The following RASAL2 variants were observed in gnomAD, a reference collection of about 807,000 sequenced individuals.
RASAL2 encodes ras GTPase-activating protein nGAP.
RASAL2 carries 58 observed loss-of-function variants against 128.9 expected under a neutral mutation model. That is an observed-to-expected ratio of 0.45 (90% CI 0.36 to 0.56). The LOEUF (loss-of-function observed/expected upper bound fraction) is 0.56. RASAL2 is among the 20% of genes least tolerant of loss of function. The pLI is 0.00. For synonymous variants in RASAL2, 561 were observed against 580.8 expected, an observed-to-expected ratio of 0.97 and a Z score of 0.49; for missense variants, 1,360 against 1,601.6, an observed-to-expected ratio of 0.85 and a Z score of 2.57.
chr1:178,250,046 A>ATCATTTTATT (rs1664967820), intron 1 of RASAL2, among the ~76,000 whole-genome samples: 1 of 152,288 alleles, frequency 6.6e-6, no homozygotes, highest in African/African-American at 2.4e-5. Flanking sequence ...TCAGGGACCC[A>ATCATTTTATT]CTTGAAGAGG....
At chr1:178,120,111 G>A (rs1558064147) in intron 1 of RASAL2, among the ~76,000 whole-genome samples, 1 of 152,224 alleles carries the variant, frequency 6.6e-6, no homozygotes, top group East Asian at 1.9e-4. Context: ...AAAGGCTTGT[G>A]TTTTAACGCA....
intron 1 of RASAL2, among the ~76,000 whole-genome samples, chr1:178,156,512 G>A (rs1661089006): frequency 6.6e-6 from 1 of 152,234 alleles, no homozygotes; most frequent in South Asian, 2.1e-4. Flanking sequence ...TAGGGAAGAT[G>A]TATATTTTCT....
chr1:178,173,424 A>G (rs1394665115), intron 1 of RASAL2, among the ~76,000 whole-genome samples: 4 of 152,084 alleles, frequency 2.6e-5, no homozygotes, highest in Non-Finnish European at 4.4e-5. Context: ...GTACATCTAA[A>G]TATAGCATTT....
intron 3 of RASAL2, among the ~76,000 whole-genome samples, chr1:178,332,496 CA>C (rs1669372407): frequency 6.6e-6 from 1 of 151,796 alleles, no homozygotes; most frequent in Non-Finnish European, 1.5e-5. Context: ...TAAAGAACAA[CA>C]AAACAAAACA....
intron 1 of RASAL2, among the ~76,000 whole-genome samples, chr1:178,221,782 C>T (rs983477539): frequency 7.9e-5 from 12 of 152,078 alleles, no homozygotes; most frequent in African/African-American, 2.7e-4. Context: ...AGTGAATTGC[C>T]GGTGCTGTTG....
intron 5 of RASAL2, among the ~76,000 whole-genome samples, chr1:178,434,066 A>C (rs1472580936): frequency 1.3e-5 from 2 of 152,096 alleles, no homozygotes; most frequent in African/African-American, 4.8e-5. Context: ...GTCCACTCTT[A>C]CTGGTATGTT....
At chr1:178,372,577 C>T (rs1671777777) in intron 3 of RASAL2, among the ~76,000 whole-genome samples, 1 of 152,140 alleles carries the variant, frequency 6.6e-6, no homozygotes, top group African/African-American at 2.4e-5. Flanking sequence ...CAAGGCTTAC[C>T]ATGTCATCTG....
In RASAL2 at chr1:178,452,593, C is replaced by T; in HGVS notation, c.1950C>T (p.Arg650=). 6.2e-7 allele frequency: 1 copy of T among 1,614,062 alleles called. No homozygotes were observed. The highest frequency in any genetic ancestry group is 1.1e-5 in the South Asian group (1 of 91,074). Residue 650 remains arginine, a synonymous_variant, in exon 11 of 18, where the codon CGC becomes CGT. Coordinates refer to ENST00000367649, the MANE Select transcript of RASAL2 (RefSeq NM_170692.4). ...TTATGCAGGAGTATCCTGATGACCG[C>T]ACATCTCGGACTCTAACTCTTATTG... The part of the protein sequence containing the change: ...FNLMQEYPDD[R]TSRTLTLIAK...
At chr1:178,438,929 G>GTC (rs1256210983) in intron 5 of RASAL2, among the ~76,000 whole-genome samples, 22 of 138,812 alleles carry the variant, frequency 1.6e-4, no homozygotes, top group African/African-American at 5.8e-4. Context: ...GTGTGTGTGT[G>GTC]TGTTTTGCCA....
At chr1:178,225,850 C>T (rs1036920207) in intron 1 of RASAL2, among the ~76,000 whole-genome samples, 2 of 151,458 alleles carry the variant, frequency 1.3e-5, no homozygotes, top group African/African-American at 4.9e-5. Flanking sequence ...TTTTATTGTG[C>T]TTTCTTTATG....
intron 3 of RASAL2, among the ~76,000 whole-genome samples, chr1:178,365,647 GT>G: frequency 6.6e-6 from 1 of 152,030 alleles, no homozygotes; most frequent in Admixed American, 6.6e-5. Flanking sequence ...AATTTTTTGT[GT>G]TTTTAGCAGA....
intron 2 of RASAL2, among the ~76,000 whole-genome samples, chr1:178,289,194 C>T (rs1667167261): frequency 6.6e-6 from 1 of 152,272 alleles, no homozygotes; most frequent in East Asian, 1.9e-4. Context: ...TCTCAGTTCT[C>T]ATCTTAATCT....
At chr1:178,206,090 T>C (rs1663035773) in intron 1 of RASAL2, among the ~76,000 whole-genome samples, 1 of 152,192 alleles carries the variant, frequency 6.6e-6, no homozygotes. Flanking sequence ...TAGAGAATTC[T>C]TTTTGGTGTA....
intron 4 of RASAL2, among the ~76,000 whole-genome samples, chr1:178,396,565 T>C (rs1482795226): frequency 6.6e-6 from 1 of 152,082 alleles, no homozygotes; most frequent in East Asian, 1.9e-4. Flanking sequence ...TATATATATA[T>C]ATTTTGGTCT....
At chr1:178,115,629 A>G (rs1160930023) in intron 1 of RASAL2, among the ~76,000 whole-genome samples, 2 of 152,234 alleles carry the variant, frequency 1.3e-5, no homozygotes, top group Non-Finnish European at 2.9e-5. Context: ...TACATGGCAT[A>G]GTATAAGGCT....
Position 178,451,598 on chromosome 1 carries a change from C to A in RASAL2, c.1655C>A (p.Ser552Tyr). 6.2e-7 allele frequency: 1 copy of A among 1,613,650 alleles called. No individual in the cohort carries two copies. Among genetic ancestry groups the A allele is most frequent in the Non-Finnish European group, 8.5e-7 (1 of 1,179,732 alleles). The change falls in exon 10 of 18, where the codon TCC becomes TAC. Residue 552 changes from serine to tyrosine, a missense_variant. Ser to Tyr is a moderately radical substitution (Grantham distance 144). Transcript: ENST00000367649. ...LGEFIKALYE[S>Y]DENCEVDPSK... is the part of the protein sequence containing the mutation. ...GAGTTTATCAAAGCTTTGTATGAGT[C>A]CGATGAGAACTGTGAAGTGGATCCC... is the stretch of plus-strand genomic sequence containing the variant.
intron 1 of RASAL2, among the ~76,000 whole-genome samples, chr1:178,165,966 T>TC (rs907195886): frequency 2.0e-5 from 3 of 151,906 alleles, no homozygotes; most frequent in African/African-American, 4.8e-5. Flanking sequence ...AAGCTGCATT[T>TC]CCCCCCCATC....
intron 1 of RASAL2, among the ~76,000 whole-genome samples, chr1:178,215,508 A>G (rs1663395450): frequency 6.6e-6 from 1 of 152,230 alleles, no homozygotes; most frequent in African/African-American, 2.4e-5. Flanking sequence ...AATCTTTGCT[A>G]AGACTTGAGT....
At chr1:178,138,598 ATTTAATT>A (rs1453157625) in intron 1 of RASAL2, among the ~76,000 whole-genome samples, 1 of 152,128 alleles carries the variant, frequency 6.6e-6, no homozygotes, top group Admixed American at 6.5e-5. Flanking sequence ...AAAATGCCCT[ATTTAATT>A]TGATTCTGAG....
Sources: gnomAD v4.1 joint callset for allele counts (sites outside exome capture counted in the v4.1 genomes callset) on GRCh38, gnomAD v4.1.1 for gene constraint, MANE v1.5 for transcripts, NCBI Gene and HGNC (gene_info 2026-07-23, HGNC 2026-07-21) for gene names.